The following TSSC4 variants were observed in gnomAD, a reference collection of about 807,000 sequenced individuals.
The protein encoded by TSSC4 is U5 small nuclear ribonucleoprotein TSSC4.
For missense variants in TSSC4, 500 were observed against 443.9 expected (o/e 1.13, Z -1.14); for synonymous variants, 259 against 197.9 (o/e 1.31, Z -2.59).
chr11:2,400,870 TAATAC>T (rs1335102479), intron 1 of TSSC4, 72 bp downstream of exon 1: 2 of 152,026 alleles, frequency 1.3e-5, no homozygotes, highest in Non-Finnish European at 2.9e-5. Context: ...AGCGCAGCTT[TAATAC>T]CTGAGCTCGA....
At position 2,403,432 on chromosome 11, in the gene TSSC4, G is replaced by T; in HGVS notation, c.799G>T (p.Glu267Ter). 6.3e-7 allele frequency: 1 copy of T among 1,593,142 alleles called. No homozygotes were observed. Among genetic ancestry groups the T allele is most frequent in the South Asian group, 1.1e-5 (1 of 88,742 alleles). Residue 267 changes from glutamate (E) to a stop codon, truncating the protein, a stop_gained, in exon 3 of 3, where the codon GAG (glutamate) becomes TAG (stop). Transcript: ENST00000333256. LOFTEE classifies it low-confidence loss of function (END_TRUNC). ...LAHLAGPGSP[E>*]AEEWGSHHGG... The stretch of plus-strand genomic sequence containing the variant: ...CCATCTGGCCGGGCCCGGGAGCCCA[G>T]AGGCTGAGGAGTGGGGCAGCCACCA...
In TSSC4 at chr11:2,403,022, G is replaced by T; in HGVS notation, c.389G>T (p.Gly130Val). The part of the protein sequence containing the change: ...GGFKRPLAPS[G>V]RSPVEGLGRA... Reference sequence around the variant, plus strand: ...TTCAAGCGGCCCCTAGCGCCCTCAGGCCGGTCTCCAGTGGAAGGCCTGGGC... The same window carrying T: ...TTCAAGCGGCCCCTAGCGCCCTCAGTCCGGTCTCCAGTGGAAGGCCTGGGC... The change falls in exon 3 of 3, where the codon GGC becomes GTC. Residue 130 changes from glycine to valine, a missense_variant. Gly to Val is a moderately radical substitution (Grantham distance 109, BLOSUM62 -3). Coordinates refer to ENST00000333256, the MANE Select transcript of TSSC4 (RefSeq NM_005706.4). The T allele has an allele frequency of 1.2e-6, 2 of 1,607,852 alleles. No individual in the cohort carries two copies. Among genetic ancestry groups the T allele is most frequent in the Non-Finnish European group, 1.7e-6 (2 of 1,177,870 alleles).
At chr11:2,402,504 C>T in intron 2 of TSSC4, 54 bp downstream of exon 2, 2 of 1,032,036 alleles carry the variant, frequency 1.9e-6, no homozygotes, top group Non-Finnish European at 2.8e-6. Flanking sequence ...TGGGACAGTT[C>T]TGTCAGTTGA....
Position 2,402,654 on chromosome 11 carries a change from T to G in TSSC4, c.21T>G (p.Gly7=), listed in dbSNP as rs1589859688. The G allele has an allele frequency of 1.3e-6, 2 of 1,593,964 alleles. No homozygotes were observed. Among genetic ancestry groups the G allele is most frequent in the East Asian group, 2.3e-5 (1 of 44,222 alleles). MAEAGT[G]EPSPSVEGEH... ...GACGCATGGCTGAGGCAGGAACAGG[T>G]GAGCCGTCCCCCAGCGTGGAGGGCG... The change falls in exon 3 of 3, where the codon GGT becomes GGG. Residue 7 remains glycine, a synonymous_variant. Transcript: ENST00000333256.
At position 2,403,393 on chromosome 11, in the gene TSSC4, C is replaced by G. The variant is rs1850231664; in HGVS notation, c.760C>G (p.Pro254Ala). The G allele has an allele frequency of 1.9e-6, 3 of 1,603,888 alleles. No individual in the cohort carries two copies. In the Admixed American group the frequency reaches 5.1e-5, roughly 27 times the overall value. The change falls in exon 3 of 3, where the codon CCT (proline) becomes GCT (alanine). Residue 254 changes from proline (P) to alanine (A), a missense_variant. By Grantham distance (27) the Pro-to-Ala change is conservative. Transcript: ENST00000333256. ...GNPATDRGEG[P>A]VELAHLAGPG... The stretch of plus-strand genomic sequence containing the variant: ...TCCTGCCACAGACAGGGGCGAGGGC[C>G]CTGTGGAGCTGGCCCATCTGGCCGG...
At position 2,403,248 on chromosome 11, in the gene TSSC4, C is replaced by T. The variant is rs781364435; in HGVS notation, c.615C>T (p.Pro205=). The T allele has an allele frequency of 6.2e-6, 10 of 1,612,650 alleles. No homozygotes were observed. In the African/African-American group the frequency reaches 1.1e-4, roughly 17 times the overall value. Residue 205 remains proline, a synonymous_variant, in exon 3 of 3, where the codon CCC becomes CCT. Transcript: ENST00000333256. ...TDCVSSFNQD[P]SSCGEGRVIF... ...GCGTGTCCTCCTTCAACCAGGATCCCTCCAGCTGTGGGGAGGGGAGGGTCA... is the reference window on the plus strand; with the variant it reads ...GCGTGTCCTCCTTCAACCAGGATCCTTCCAGCTGTGGGGAGGGGAGGGTCA...
At chr11:2,401,129 TGAAG>T (rs1850132641) in intron 1 of TSSC4, 1 of 152,290 alleles carries the variant, frequency 6.6e-6, no homozygotes, top group Middle Eastern at 3.4e-3. Context: ...CCTACGGACA[TGAAG>T]GAGTCAACTC....
In TSSC4 at chr11:2,403,207, G is replaced by A; in HGVS notation, c.574G>A (p.Ala192Thr). The A allele has an allele frequency of 6.2e-7, 1 of 1,612,734 alleles. No homozygotes were observed. The highest frequency in any genetic ancestry group is 8.5e-7 in the Non-Finnish European group (1 of 1,179,916). Residue 192 changes from alanine (A) to threonine (T), a missense_variant, in exon 3 of 3, where the codon GCT (alanine) becomes ACT (threonine). By Grantham distance (58) the Ala-to-Thr change is moderately conservative. Coordinates refer to ENST00000333256, the MANE Select transcript of TSSC4 (RefSeq NM_005706.4). ...ALAFLGSQSLAAPTDCVSSFN... is the reference protein window; with the variant it reads ...ALAFLGSQSLTAPTDCVSSFN... ...GGCCTTCCTGGGCTCCCAGAGCCTG[G>A]CTGCCCCCACTGACTGCGTGTCCTC... is the stretch of plus-strand genomic sequence containing the variant.
chr11:2,401,098 G>C (rs1850131680), intron 1 of TSSC4: 1 of 152,212 alleles, frequency 6.6e-6, no homozygotes, highest in Admixed American at 6.5e-5. Context: ...TTCATGTGGA[G>C]AAAGAGACGG....
rs1850174080 is a variant in TSSC4, at chr11:2,402,388, TG to T, written c.-84del. The T allele has an allele frequency of 1.9e-6, 1 of 531,826 alleles. No individual in the cohort carries two copies. Among genetic ancestry groups the T allele is most frequent in the Non-Finnish European group, 3.3e-6 (1 of 299,008 alleles). The allele number at this position is 531,826 out of a possible 1,614,324, so 32.9% of individuals were successfully genotyped here. A position where few individuals can be genotyped will look rare whatever the true frequency, so the allele number is the denominator to read the frequency against. ...GACCTTCATCAGGGCTCCGTCCACT[TG>T]GCCCGCTTGGCTGTCCAATCACACT... On this transcript the variant is annotated 5_prime_UTR_variant, in exon 2 of 3. Transcript: ENST00000333256.
At chr11:2,401,306 G>C (rs1412918144) in intron 1 of TSSC4, 2 of 152,228 alleles carry the variant, frequency 1.3e-5, no homozygotes, top group Admixed American at 1.3e-4. Flanking sequence ...TGCGAATCTG[G>C]GAAGCAGGGT....
chr11:2,402,826 C>T lies in TSSC4; in HGVS notation c.193C>T (p.Pro65Ser). ...PGEEDSGPDE[P>S]PSPPSGLLPA... ...GGAGGAGGATTCAGGTCCTGATGAGCCGCCCTCACCCCCGTCAGGCCTCCT... is the reference window on the plus strand; with the variant it reads ...GGAGGAGGATTCAGGTCCTGATGAGTCGCCCTCACCCCCGTCAGGCCTCCT... Residue 65 changes from proline to serine, a missense_variant, in exon 3 of 3, where the codon CCG becomes TCG. Physicochemically the swap from Pro to Ser is moderately conservative, Grantham distance 74 (BLOSUM62 -1). Transcript: ENST00000333256. 6.3e-7 allele frequency: 1 copy of T among 1,595,760 alleles called. No individual in the cohort carries two copies. The highest frequency in any genetic ancestry group is 8.5e-7 in the Non-Finnish European group (1 of 1,170,854).
Position 2,402,748 on chromosome 11 carries a change from A to C in TSSC4, c.115A>C (p.Ser39Arg). ...CCTCAGTGACTCGGACTCTGACCTC[A>C]GCTTGCCCGGTGGTGCTGAAGTGGA... ...VSLSDSDSDLSLPGGAEVEAL... is the reference protein window; with the variant it reads ...VSLSDSDSDLRLPGGAEVEAL... Residue 39 changes from serine to arginine, a missense_variant, in exon 3 of 3, where the codon AGC (serine) becomes CGC (arginine). Coordinates refer to ENST00000333256, the MANE Select transcript of TSSC4 (RefSeq NM_005706.4). The C allele has an allele frequency of 6.4e-7, 1 of 1,571,042 alleles. No individual in the cohort carries two copies. The highest frequency in any genetic ancestry group is 1.9e-5 in the Admixed American group (1 of 53,626).
Position 2,403,419 on chromosome 11 carries a change from G to T in TSSC4, c.786G>T (p.Gly262=). The change falls in exon 3 of 3, where the codon GGG becomes GGT. Residue 262 remains glycine, a synonymous_variant. Transcript: ENST00000333256. ...EGPVELAHLA[G]PGSPEAEEWG... Reference sequence around the variant, plus strand: ...CTGTGGAGCTGGCCCATCTGGCCGGGCCCGGGAGCCCAGAGGCTGAGGAGT... The same window carrying T: ...CTGTGGAGCTGGCCCATCTGGCCGGTCCCGGGAGCCCAGAGGCTGAGGAGT... The T allele has an allele frequency of 6.3e-7, 1 of 1,593,180 alleles. No individual in the cohort carries two copies. The highest frequency in any genetic ancestry group is 8.6e-7 in the Non-Finnish European group (1 of 1,169,134).
In TSSC4 at chr11:2,403,690, C is replaced by T. The variant is rs1257396544; in HGVS notation, c.*67C>T. The T allele has an allele frequency of 7.0e-7, 1 of 1,420,288 alleles. No individual in the cohort carries two copies. The highest frequency in any genetic ancestry group is 9.3e-7 in the Non-Finnish European group (1 of 1,080,706). 88.0% of individuals were successfully genotyped at this position (1,420,288 alleles called of 1,614,324 possible). On this transcript the variant is annotated 3_prime_UTR_variant, in exon 3 of 3. Coordinates refer to ENST00000333256, the MANE Select transcript of TSSC4 (RefSeq NM_005706.4). ...CTGCTGCCTTCCCAGTGGGGCTGGTCAGGGGGCAGCCTGGCCACTGCCTAG... is the reference window on the plus strand; with the variant it reads ...CTGCTGCCTTCCCAGTGGGGCTGGTTAGGGGGCAGCCTGGCCACTGCCTAG...
Position 2,402,392 on chromosome 11 carries a change from C to T in TSSC4, c.-82C>T, listed in dbSNP as rs1027634272. 5.6e-6 allele frequency: 3 copies of T among 538,522 alleles called. No individual in the cohort carries two copies. The highest frequency in any genetic ancestry group is 3.5e-5 in the Admixed American group (1 of 28,972). The allele number at this position is 538,522 out of a possible 1,614,324, so 33.4% of individuals were successfully genotyped here. ...TTCATCAGGGCTCCGTCCACTTGGC[C>T]CGCTTGGCTGTCCAATCACACTCCA... On this transcript the variant is annotated 5_prime_UTR_variant, in exon 2 of 3. Coordinates refer to ENST00000333256, the MANE Select transcript of TSSC4 (RefSeq NM_005706.4).
rs1850122215 is a variant in TSSC4 at position 2,400,802 on chromosome 11, G to A, written c.-181+4G>A. On this transcript the variant is annotated splice_donor_region_variant and intron_variant, in intron 1 of 2. Coordinates refer to ENST00000333256, the MANE Select transcript of TSSC4 (RefSeq NM_005706.4). ...ACTGCCGAGCAGCCTTGAGCCGGTA[G>A]GTTTGTGGTGAGGGAGGACGGGCCG... is the stretch of plus-strand genomic sequence containing the variant. The A allele has an allele frequency of 6.6e-6, 1 of 152,148 alleles. No homozygotes were observed. Among genetic ancestry groups the A allele is most frequent in the Non-Finnish European group, 1.5e-5 (1 of 68,040 alleles). The allele number at this position is 152,148 out of a possible 1,614,324, so 9.4% of individuals were successfully genotyped here. A position where few individuals can be genotyped will look rare whatever the true frequency, so the allele number is the denominator to read the frequency against.
rs758271137 is a variant in TSSC4 at position 2,402,805 on chromosome 11, G to C, written c.172G>C (p.Glu58Gln). ...GTCCCCGATGGGGCTGCCTGGGGAG[G>C]AGGATTCAGGTCCTGATGAGCCGCC... ...ALSPMGLPGE[E>Q]DSGPDEPPSP... The change falls in exon 3 of 3, where the codon GAG becomes CAG. Residue 58 changes from glutamate (E) to glutamine (Q), a missense_variant. Physicochemically the swap from Glu to Gln is conservative, Grantham distance 29 (BLOSUM62 2). Coordinates refer to ENST00000333256, the MANE Select transcript of TSSC4 (RefSeq NM_005706.4). 1.3e-6 allele frequency: 2 copies of C among 1,583,838 alleles called. No individual in the cohort carries two copies. Among genetic ancestry groups the C allele is most frequent in the Admixed American group, 1.8e-5 (1 of 56,620 alleles).
intron 1 of TSSC4, among the ~76,000 whole-genome samples, chr11:2,401,655 C>G (rs987588135): frequency 2.0e-5 from 3 of 152,128 alleles, no homozygotes; most frequent in African/African-American, 7.2e-5. Context: ...AAGGGTGTGG[C>G]TGGGCCGTCT....
Sources: gnomAD v4.1 joint callset for allele counts (sites outside exome capture counted in the v4.1 genomes callset) on GRCh38, gnomAD v4.1.1 for gene constraint, MANE v1.5 for transcripts, NCBI Gene and HGNC (gene_info 2026-07-23, HGNC 2026-07-21) for gene names.